Variants in YEATS2 observed in about 807,000 individuals in gnomAD.
The protein encoded by YEATS2 is YEATS domain-containing protein 2.
Under a neutral mutation model 163.2 loss-of-function variants are expected in YEATS2, and 77 were observed. The observed-to-expected ratio is 0.47, with a 90% CI of 0.39 to 0.57. YEATS2 has a LOEUF of 0.57. Ranked by LOEUF, YEATS2 falls within the 20% of genes least tolerant of loss-of-function variation. The pLI, the probability that YEATS2 is intolerant of heterozygous loss-of-function variation, is 0.00. For missense variants in YEATS2, 1,549 were observed against 1,729.8 expected, an observed-to-expected ratio of 0.90 and a Z score of 1.85; for synonymous variants, 631 against 645.1, an observed-to-expected ratio of 0.98 and a Z score of 0.33.
At chr3:183,751,570 A>G (rs73064320) in intron 9 of YEATS2, among the ~76,000 whole-genome samples, 15 of 152,306 alleles carry the variant, frequency 9.8e-5, no homozygotes, top group African/African-American at 3.4e-4. Flanking sequence ...TTCAGAGTCA[A>G]ATTCTTAGTG....
At chr3:183,733,051 G>A (rs1044815397) in intron 7 of YEATS2, among the ~76,000 whole-genome samples, 6 of 151,334 alleles carry the variant, frequency 4.0e-5, no homozygotes, top group Admixed American at 1.3e-4. Context: ...GGCTGGTCTC[G>A]AACTCCTGGC....
At chr3:183,707,282 ATTAAT>A (rs1433419220) in intron 1 of YEATS2, among the ~76,000 whole-genome samples, 1 of 152,174 alleles carries the variant, frequency 6.6e-6, no homozygotes, top group Non-Finnish European at 1.5e-5. Flanking sequence ...TTCACTATAG[ATTAAT>A]TTGTCTCTTC....
At chr3:183,716,048 T>C (rs952726793) in intron 2 of YEATS2, among the ~76,000 whole-genome samples, 4 of 152,118 alleles carry the variant, frequency 2.6e-5, no homozygotes, top group East Asian at 1.9e-4. Flanking sequence ...CAAGCTCTGC[T>C]TCCCCGGTTC....
chr3:183,734,698 G>A (rs1718157751), intron 7 of YEATS2, among the ~76,000 whole-genome samples: 2 of 152,200 alleles, frequency 1.3e-5, no homozygotes, highest in Admixed American at 1.3e-4. Flanking sequence ...GTAACACAGG[G>A]TCTCATGCAG....
chr3:183,777,835 G>A (rs991465486), intron 19 of YEATS2, 135 bp downstream of exon 19: 18 of 1,244,342 alleles, frequency 1.4e-5, no homozygotes, highest in Middle Eastern at 2.5e-4. Context: ...AGGAGTGGTC[G>A]CTCACGTCTG....
chr3:183,746,342 C>T (rs1244949988), intron 8 of YEATS2, among the ~76,000 whole-genome samples: 1 of 152,190 alleles, frequency 6.6e-6, no homozygotes, highest in Non-Finnish European at 1.5e-5. Flanking sequence ...AAGTGAGCCA[C>T]CAAGCCTGGC....
chr3:183,799,827 T>C (rs1455709660), intron 23 of YEATS2, among the ~76,000 whole-genome samples: 1 of 149,554 alleles, frequency 6.7e-6, no homozygotes, highest in African/African-American at 2.5e-5. Flanking sequence ...GTTTTTTTTT[T>C]TTTTCTTTTT....
chr3:183,746,517 G>A (rs183933395), intron 8 of YEATS2, among the ~76,000 whole-genome samples: 1 of 152,170 alleles, frequency 6.6e-6, no homozygotes, highest in East Asian at 1.9e-4. Context: ...TCCTCTTCTT[G>A]TTTTGATACT....
intron 20 of YEATS2, among the ~76,000 whole-genome samples, chr3:183,788,267 G>A (rs909707174): frequency 6.7e-6 from 1 of 150,308 alleles, no homozygotes; most frequent in Non-Finnish European, 1.5e-5. Flanking sequence ...CTATATTTTT[G>A]TACCCATTAA....
intron 8 of YEATS2, among the ~76,000 whole-genome samples, chr3:183,747,292 C>T (rs1457889371): frequency 6.6e-6 from 1 of 152,096 alleles, no homozygotes; most frequent in Non-Finnish European, 1.5e-5. Flanking sequence ...TATGTGGCTG[C>T]ATGATATTTC....
intron 20 of YEATS2, 95 bp from the exon 21 acceptor site, chr3:183,790,702 A>T: frequency 1.5e-6 from 2 of 1,320,390 alleles, no homozygotes; most frequent in Non-Finnish European, 2.1e-6. Context: ...CTAATAGATG[A>T]TATTTAGTGT....
intron 8 of YEATS2, among the ~76,000 whole-genome samples, chr3:183,741,595 A>C (rs535436155): frequency 2.0e-5 from 3 of 151,970 alleles, no homozygotes; most frequent in Non-Finnish European, 4.4e-5. Flanking sequence ...CAGCCTGGCC[A>C]ACGTGGCAAA....
intron 20 of YEATS2, among the ~76,000 whole-genome samples, chr3:183,787,497 T>C (rs1724176688): frequency 6.6e-6 from 1 of 152,156 alleles, no homozygotes; most frequent in African/African-American, 2.4e-5. Flanking sequence ...TTATTGGCTA[T>C]TTGTATATCT....
chr3:183,702,750 C>G (rs1032866069), intron 1 of YEATS2, among the ~76,000 whole-genome samples: 1 of 151,604 alleles, frequency 6.6e-6, no homozygotes, highest in Non-Finnish European at 1.5e-5. Flanking sequence ...AGGAGAATTT[C>G]TTGAACCCGG....
In YEATS2 at chr3:183,791,005, C is replaced by T. The variant is rs1267850239; in HGVS notation, c.3097+25C>T. On this transcript the variant is annotated intron_variant, in intron 21 of 30. Transcript: ENST00000305135. The stretch of plus-strand genomic sequence containing the variant: ...GGTGAGTTGCATTGTGATATTATTT[C>T]TCTCTCTTTTCTCTCATTGGGCTGG... 11 of 1,603,404 alleles carry T rather than the reference C, an allele frequency of 6.9e-6. No homozygotes were observed. The African/African-American group carries it at 1.1e-4, about 16-fold the overall frequency.
chr3:183,755,131 T>C (rs262997), intron 11 of YEATS2, among the ~76,000 whole-genome samples: 62,275 of 151,866 alleles, frequency 0.41, 13,431 homozygotes, highest in East Asian at 0.65. Flanking sequence ...TTTTTTTTTT[T>C]TGAGATGGAG....
chr3:183,708,937 G>A (rs761538151), intron 1 of YEATS2, among the ~76,000 whole-genome samples: 3 of 151,952 alleles, frequency 2.0e-5, no homozygotes, highest in Admixed American at 6.6e-5. Context: ...CGAGGTGGGC[G>A]GATCACAAGG....
chr3:183,752,179 T>C lies in YEATS2; in HGVS notation c.1076T>C (p.Ile359Thr), dbSNP rs375681091. 106 of 1,614,044 alleles carry C rather than the reference T, an allele frequency of 6.6e-5. No homozygotes were observed. The African/African-American group carries it at 1.3e-3, about 20-fold the overall frequency. Residue 359 changes from isoleucine to threonine, a missense_variant, in exon 10 of 31, where the codon ATT becomes ACT. Coordinates refer to ENST00000305135, the MANE Select transcript of YEATS2 (RefSeq NM_018023.5). The part of the protein sequence containing the change: ...SDAPPSLPLT[I>T]PAPVKASSPI... ...GCCCCTCCATCTTTGCCTTTGACCA[T>C]TCCAGCCCCAGTGAAAGCTTCTTCA...
In YEATS2 at chr3:183,804,933, G is replaced by A. The variant is rs184570062; in HGVS notation, c.3784+745G>A. 3.8e-4 allele frequency among the ~76,000 whole-genome samples: 58 copies of A among 151,812 alleles called. No homozygotes were observed. The East Asian group carries it at 0.011, about 29-fold the overall frequency. On this transcript the variant is annotated intron_variant, in intron 27 of 30. Coordinates refer to ENST00000305135, the MANE Select transcript of YEATS2 (RefSeq NM_018023.5). ...GAACCAGGGAGGCGGAGCTTGCAGTGAGCCGAGATTGCACCAGTGCACTCC... is the reference window on the plus strand; with the variant it reads ...GAACCAGGGAGGCGGAGCTTGCAGTAAGCCGAGATTGCACCAGTGCACTCC...
Sources: allele counts gnomAD v4.1 joint callset (sites outside exome capture counted in the v4.1 genomes callset), GRCh38; gene constraint gnomAD v4.1.1; transcripts MANE v1.5; gene names NCBI Gene and HGNC (gene_info 2026-07-23, HGNC 2026-07-21).